FRRS1: variants seen among roughly 807,000 people sequenced by gnomAD.
FRRS1 encodes ferric chelate reductase 1.
Under a neutral mutation model 70.7 loss-of-function variants are expected in FRRS1, and 51 were observed. That is an observed-to-expected ratio of 0.72 (90% CI 0.58 to 0.91). FRRS1 has a LOEUF of 0.91. FRRS1 is among the 40% of genes least tolerant of loss of function. The pLI, the probability that FRRS1 is intolerant of heterozygous loss-of-function variation, is 0.00. For synonymous variants in FRRS1, 225 were observed against 238.7 expected (o/e 0.94, Z 0.53); for missense variants, 672 against 726.0 (o/e 0.93, Z 0.86).
intron 1 of FRRS1, among the ~76,000 whole-genome samples, chr1:99,754,816 TA>T (rs1411709508): frequency 6.6e-6 from 1 of 152,164 alleles, no homozygotes; most frequent in African/African-American, 2.4e-5. Context: ...CTCACTAAAT[TA>T]AACTACAGGA....
intron 7 of FRRS1, among the ~76,000 whole-genome samples, chr1:99,730,692 C>A (rs865797963): frequency 4.6e-5 from 7 of 152,024 alleles, no homozygotes; most frequent in Non-Finnish European, 8.8e-5. Flanking sequence ...ATGGTGAAAC[C>A]CCGTCTCTAC....
intron 7 of FRRS1, among the ~76,000 whole-genome samples, chr1:99,730,981 T>C (rs1489604666): frequency 6.6e-6 from 1 of 151,280 alleles, no homozygotes; most frequent in Non-Finnish European, 1.5e-5. Context: ...GTCTGCAGTG[T>C]GGCATGATCG....
rs1656256723 is a variant in FRRS1 at position 99,746,242 on chromosome 1, G to C, written c.333+1052C>G. Among the ~76,000 whole-genome samples the C allele has an allele frequency of 2.0e-5, 3 of 152,160 alleles. No homozygotes were observed. In the South Asian group the frequency reaches 6.2e-4, roughly 32 times the overall value. Reference sequence around the variant, plus strand: ...CAGTCTCTAGCTCAGGAAGTCTTAAGGACATGTAAGGCTCTTTACACACAG... The same window carrying C: ...CAGTCTCTAGCTCAGGAAGTCTTAACGACATGTAAGGCTCTTTACACACAG... On this transcript the variant is annotated intron_variant, in intron 4 of 16. Transcript: ENST00000646001.
rs1247945242 is a variant in FRRS1 at position 99,738,138 on chromosome 1, C to T, written c.707G>A (p.Ser236Asn). The T allele has an allele frequency of 4.3e-6, 7 of 1,613,738 alleles. No homozygotes were observed. The highest frequency in any genetic ancestry group is 2.2e-5 in the East Asian group (1 of 44,878). Residue 236 changes from serine (S) to asparagine (N), a missense_variant, in exon 7 of 17, where the codon AGC becomes AAC. By Grantham distance (46) the Ser-to-Asn change is conservative. Coordinates refer to ENST00000646001, the MANE Select transcript of FRRS1 (RefSeq NM_001361041.2). ...GGATAAATAGCCTTTACTGGGGCCGCTCATTTCAACCATCACCGATTGGTC... is the reference window on the plus strand; with the variant it reads ...GGATAAATAGCCTTTACTGGGGCCGTTCATTTCAACCATCACCGATTGGTC... Reference protein sequence around the residue: ...RDDQSVMVEMSGPSKGYLSFA... With the variant: ...RDDQSVMVEMNGPSKGYLSFA...
intron 9 of FRRS1, among the ~76,000 whole-genome samples, chr1:99,721,464 G>C (rs1654820439): frequency 6.6e-6 from 1 of 151,216 alleles, no homozygotes; most frequent in Admixed American, 6.6e-5. Flanking sequence ...TAAAAACACT[G>C]TATACAACTT....
At chr1:99,762,316 T>C (rs896925692) in intron 1 of FRRS1, among the ~76,000 whole-genome samples, 3 of 152,190 alleles carry the variant, frequency 2.0e-5, no homozygotes, top group African/African-American at 4.8e-5. Flanking sequence ...ACCACATTTT[T>C]TGGAGGCAGT....
chr1:99,737,729 T>C (rs1367376986), intron 7 of FRRS1, among the ~76,000 whole-genome samples: 1 of 152,008 alleles, frequency 6.6e-6, no homozygotes, highest in Non-Finnish European at 1.5e-5. Flanking sequence ...CTCCTTTTGG[T>C]TTTTTGTTTG....
intron 3 of FRRS1, 151 bp downstream of exon 3, chr1:99,748,422 A>T: frequency 1.6e-6 from 1 of 643,770 alleles, no homozygotes; most frequent in Non-Finnish European, 2.7e-6. Context: ...TAAGTAATAC[A>T]GTCATCTGGA....
chr1:99,710,351 T>C (rs892657899), intron 15 of FRRS1, among the ~76,000 whole-genome samples: 4 of 144,580 alleles, frequency 2.8e-5, no homozygotes, highest in African/African-American at 1.2e-4. Flanking sequence ...CAGTCCTTCC[T>C]ATCTGGCTTG....
intron 9 of FRRS1, among the ~76,000 whole-genome samples, chr1:99,725,172 C>T (rs1408593534): frequency 6.6e-6 from 1 of 152,128 alleles, no homozygotes; most frequent in African/African-American, 2.4e-5. Context: ...TCTAATGCCA[C>T]CGCTGATCTG....
chr1:99,716,460 A>G (rs1571098294), intron 11 of FRRS1, among the ~76,000 whole-genome samples: 1 of 152,372 alleles, frequency 6.6e-6, no homozygotes, highest in East Asian at 1.9e-4. Context: ...GAGAGAGCAC[A>G]AGAGCAAAGG....
rs1366163342 is a variant in FRRS1, at chr1:99,704,788, G to T, written c.*4240C>A. 1.3e-5 allele frequency among the ~76,000 whole-genome samples: 2 copies of T among 152,110 alleles called. No homozygotes were observed. Among genetic ancestry groups the T allele is most frequent in the Admixed American group, 6.5e-5 (1 of 15,280 alleles). Reference sequence around the variant, plus strand: ...AGATCCCAGCATGCCGACAGGCCACGACTGGCGGAAGGAGGAACAGTTGGC... The same window carrying T: ...AGATCCCAGCATGCCGACAGGCCACTACTGGCGGAAGGAGGAACAGTTGGC... On this transcript the variant is annotated 3_prime_UTR_variant, in exon 17 of 17. Transcript: ENST00000646001.
chr1:99,727,653 T>C (rs1233260980), intron 9 of FRRS1, among the ~76,000 whole-genome samples: 1 of 152,218 alleles, frequency 6.6e-6, no homozygotes, highest in Non-Finnish European at 1.5e-5. Context: ...ACCCCATCTC[T>C]GTCTCTCCAC....
Position 99,708,270 on chromosome 1 carries a change from T to G in FRRS1, c.*758A>C, listed in dbSNP as rs1218401012. ...CAGATAAACTAGTAAAAATAGTTTT[T>G]CTTTAAAGTACCACAGCACCTTTGT... On this transcript the variant is annotated 3_prime_UTR_variant, in exon 17 of 17. Coordinates refer to ENST00000646001, the MANE Select transcript of FRRS1 (RefSeq NM_001361041.2). 1.3e-5 allele frequency among the ~76,000 whole-genome samples: 2 copies of G among 152,126 alleles called. No homozygotes were observed. Among genetic ancestry groups the G allele is most frequent in the African/African-American group, 4.8e-5 (2 of 41,438 alleles).
At chr1:99,753,904 T>C (rs1028762603) in intron 1 of FRRS1, among the ~76,000 whole-genome samples, 9 of 152,218 alleles carry the variant, frequency 5.9e-5, no homozygotes, top group Non-Finnish European at 1.2e-4. Flanking sequence ...ACACCCACTT[T>C]AAATATAAAG....
At chr1:99,761,131 G>A (rs576324788) in intron 1 of FRRS1, among the ~76,000 whole-genome samples, 1 of 151,436 alleles carries the variant, frequency 6.6e-6, no homozygotes, top group African/African-American at 2.4e-5. Context: ...ATTTTGTTTT[G>A]GGGGGGTGGG....
At chr1:99,763,868 C>CAAAAAAAA (rs71744107) in intron 1 of FRRS1, among the ~76,000 whole-genome samples, 1 of 110,010 alleles carries the variant, frequency 9.1e-6, no homozygotes, top group African/African-American at 3.0e-5. Flanking sequence ...AACTCTGTCT[C>CAAAAAAAA]AAAAAAAAAA....
In FRRS1 at chr1:99,705,510, A is replaced by G. The variant is rs1479843719; in HGVS notation, c.*3518T>C. ...CTCATGAGAATATACAGATAAATAGAATTTCAGCCAAACACTACATGTGCC... is the reference window on the plus strand; with the variant it reads ...CTCATGAGAATATACAGATAAATAGGATTTCAGCCAAACACTACATGTGCC... On this transcript the variant is annotated 3_prime_UTR_variant, in exon 17 of 17. Transcript: ENST00000646001. Among the ~76,000 whole-genome samples, 2 of 152,160 alleles carry G rather than the reference A, an allele frequency of 1.3e-5. No homozygotes were observed.
intron 1 of FRRS1, among the ~76,000 whole-genome samples, chr1:99,759,279 T>A (rs1416504671): frequency 6.6e-6 from 1 of 152,208 alleles, no homozygotes; most frequent in Admixed American, 6.5e-5. Context: ...CCTACAGATA[T>A]GTGATGTCAC....
Sources: allele counts gnomAD v4.1 joint callset (sites outside exome capture counted in the v4.1 genomes callset), GRCh38; gene constraint gnomAD v4.1.1; transcripts MANE v1.5; gene names NCBI Gene and HGNC (gene_info 2026-07-23, HGNC 2026-07-21).